GRAP2: variants seen among roughly 807,000 people sequenced by gnomAD.
GRAP2 encodes the protein GRB2 related adaptor protein 2.
GRAP2 carries 31 observed loss-of-function variants against 43.5 expected under a neutral mutation model. That is an observed-to-expected ratio of 0.71 (90% confidence interval 0.54 to 0.96). The LOEUF (loss-of-function observed/expected upper bound fraction) is 0.96, where lower values mean the gene tolerates loss of function less well. Among genes scored for constraint, GRAP2 ranks in the 40% least tolerant of loss-of-function variants. The probability of loss-of-function intolerance (pLI) is 0.00; values close to 1 mark genes in which losing one functional copy is unlikely to be tolerated. For synonymous variants in GRAP2, 156 were observed against 164.8 expected (o/e 0.95, Z 0.41); for missense variants, 371 against 424.4 (o/e 0.87, Z 1.11).
At chr22:39,964,231 C>T (rs2067147440) in intron 4 of GRAP2, 2 of 586,308 alleles carry the variant, frequency 3.4e-6, no homozygotes, top group Non-Finnish European at 6.0e-6. Flanking sequence ...TCAGCCCACC[C>T]TTCCTAGATG....
intron 1 of GRAP2, among the ~76,000 whole-genome samples, chr22:39,910,186 G>A (rs938527437): frequency 1.3e-5 from 2 of 152,136 alleles, no homozygotes; most frequent in African/African-American, 2.4e-5. Context: ...ACGGGACTCA[G>A]AACGGAGCAA....
chr22:39,964,502 TA>T, intron 4 of GRAP2: 1 of 1,038,976 alleles, frequency 9.6e-7, no homozygotes, highest in Non-Finnish European at 1.5e-6. Flanking sequence ...CTCGAGGTGC[TA>T]AAAGCGAAGG....
At chr22:39,905,583 TC>T (rs2066517945) in intron 1 of GRAP2, among the ~76,000 whole-genome samples, 2 of 152,198 alleles carry the variant, frequency 1.3e-5, no homozygotes, top group Non-Finnish European at 2.9e-5. Context: ...CATTTAAGGT[TC>T]CTAAAACAGT....
rs574697024 is a variant in GRAP2 at position 39,962,385 on chromosome 22, A to G, written c.290+2211A>G. On this transcript the variant is annotated intron_variant, in intron 4 of 7. Coordinates refer to ENST00000344138, the MANE Select transcript of GRAP2 (RefSeq NM_004810.4). ...GCAGTGAGCCAAGATCGATCGCACCACTGCACTCTAGCCTGGGTGACAGAG... is the reference window on the plus strand; with the variant it reads ...GCAGTGAGCCAAGATCGATCGCACCGCTGCACTCTAGCCTGGGTGACAGAG... Among the ~76,000 whole-genome samples the G allele has an allele frequency of 3.3e-5, 5 of 152,300 alleles. No individual in the cohort carries two copies. In the South Asian group the frequency reaches 1.0e-3, roughly 32 times the overall value.
chr22:39,924,530 A>G (rs2145593780), intron 1 of GRAP2, among the ~76,000 whole-genome samples: 1 of 152,228 alleles, frequency 6.6e-6, no homozygotes, highest in South Asian at 2.1e-4. Flanking sequence ...GTGAAACCCT[A>G]TCTCTACTAA....
chr22:39,906,769 G>A (rs2066526411), intron 1 of GRAP2, among the ~76,000 whole-genome samples: 1 of 152,092 alleles, frequency 6.6e-6, no homozygotes, highest in South Asian at 2.1e-4. Flanking sequence ...TGTGTTTTTT[G>A]TCTAGTGCTT....
chr22:39,971,247 A>G lies in GRAP2; in HGVS notation c.*163A>G. 1 of 569,358 alleles carries G rather than the reference A, an allele frequency of 1.8e-6. No individual in the cohort carries two copies. The highest frequency in any genetic ancestry group is 3.0e-6 in the Non-Finnish European group (1 of 333,716). 35.3% of individuals were successfully genotyped at this position (569,358 alleles called of 1,614,324 possible). ...TAATTTATTGGCAATTGGGCTGGTA[A>G]TTAGTTGATGCAAAAGGGAACTCAG... On this transcript the variant is annotated 3_prime_UTR_variant, in exon 8 of 8. Coordinates refer to ENST00000344138, the MANE Select transcript of GRAP2 (RefSeq NM_004810.4).
chr22:39,907,389 G>A (rs968171212), intron 1 of GRAP2, among the ~76,000 whole-genome samples: 14 of 152,174 alleles, frequency 9.2e-5, no homozygotes, highest in Non-Finnish European at 1.6e-4. Context: ...ATCACCTGGT[G>A]TCCACCCATA....
chr22:39,903,715 G>A (rs1329268263), intron 1 of GRAP2, among the ~76,000 whole-genome samples: 2 of 152,046 alleles, frequency 1.3e-5, no homozygotes, highest in African/African-American at 2.4e-5. Flanking sequence ...GAACTCAAGC[G>A]ATTCGCCTGC....
At chr22:39,956,071 G>A (rs1430044969) in intron 3 of GRAP2, among the ~76,000 whole-genome samples, 161 bp downstream of exon 3, 1 of 152,150 alleles carries the variant, frequency 6.6e-6, no homozygotes, top group African/African-American at 2.4e-5. Flanking sequence ...TGAAGGCCAG[G>A]GCAGGAGGGA....
At chr22:39,966,232 A>G (rs2067172471) in intron 5 of GRAP2, 74 bp downstream of exon 5, 1 of 1,173,376 alleles carries the variant, frequency 8.5e-7, no homozygotes, top group Admixed American at 1.8e-5. Context: ...CCACCAGGAA[A>G]AATGCATAGG....
chr22:39,921,891 G>A (rs191453952), intron 1 of GRAP2, among the ~76,000 whole-genome samples: 234 of 152,136 alleles, frequency 1.5e-3, no homozygotes, highest in African/African-American at 4.9e-3. Flanking sequence ...TTGCAGGCTC[G>A]AACTCCTGGG....
intron 1 of GRAP2, among the ~76,000 whole-genome samples, chr22:39,933,253 G>A (rs553409589): frequency 4.6e-5 from 7 of 152,368 alleles, no homozygotes; most frequent in African/African-American, 1.7e-4. Context: ...TCAGCCTGAG[G>A]CCTTTATGCA....
At chr22:39,944,685 T>C (rs1422589258) in intron 1 of GRAP2, among the ~76,000 whole-genome samples, 1 of 152,206 alleles carries the variant, frequency 6.6e-6, no homozygotes, top group African/African-American at 2.4e-5. Context: ...TGCCTCGGCC[T>C]TCTCACTTCT....
At chr22:39,940,662 A>G (rs1454742174) in intron 1 of GRAP2, among the ~76,000 whole-genome samples, 2 of 152,122 alleles carry the variant, frequency 1.3e-5, no homozygotes, top group African/African-American at 4.8e-5. Context: ...ATACAGGATC[A>G]TTAACCCAGA....
At chr22:39,966,646 T>C (rs975842204) in intron 5 of GRAP2, among the ~76,000 whole-genome samples, 11 of 152,098 alleles carry the variant, frequency 7.2e-5, no homozygotes, top group African/African-American at 2.7e-4. Context: ...AGTTTTATGA[T>C]GGGATTGGGG....
upstream of GRAP2, chr22:39,901,083 C>A: frequency 2.8e-6 from 1 of 363,624 alleles, no homozygotes; most frequent in Admixed American, 3.5e-5. Context: ...GGTTTGCCTA[C>A]AGACTGCAGG....
intron 1 of GRAP2, among the ~76,000 whole-genome samples, chr22:39,940,352 G>A (rs1601715345): frequency 6.6e-6 from 1 of 150,990 alleles, no homozygotes; most frequent in East Asian, 1.9e-4. Context: ...TTGGTCTCTT[G>A]GTGAGGCCCA....
chr22:39,960,326 C>T, intron 4 of GRAP2, 152 bp downstream of exon 4: 1 of 675,960 alleles, frequency 1.5e-6, no homozygotes, highest in East Asian at 2.5e-5. Context: ...CAACCTGCTG[C>T]TCCCAGTGCC....
Sources: allele counts gnomAD v4.1 joint callset (sites outside exome capture counted in the v4.1 genomes callset), GRCh38; gene constraint gnomAD v4.1.1; transcripts MANE v1.5; gene names NCBI Gene and HGNC (gene_info 2026-07-23, HGNC 2026-07-21).